The following APOA4 variants were observed in gnomAD, a reference collection of about 807,000 sequenced individuals.
The protein encoded by APOA4 is apolipoprotein A-IV.
APOA4 carries 25 observed loss-of-function variants against 33.6 expected under a neutral mutation model. That is an observed-to-expected ratio of 0.74 (90% CI 0.54 to 1.04). The LOEUF (loss-of-function observed/expected upper bound fraction) is 1.04. Ranked by LOEUF, APOA4 falls within the 50% of genes least tolerant of loss-of-function variation. APOA4 has a pLI of 0.00. For synonymous variants in APOA4, 228 were observed against 224.0 expected (o/e 1.02, Z -0.16); for missense variants, 549 against 510.4 (o/e 1.08, Z -0.73).
In APOA4 at chr11:116,821,842, G is replaced by T. The variant is rs5101; in HGVS notation, c.216C>A (p.Tyr72Ter). The change falls in exon 3 of 3, where the codon TAC becomes TAA. Residue 72 changes from tyrosine (Y) to a stop codon, truncating the protein, a stop_gained. Transcript: ENST00000357780. LOFTEE classifies it high-confidence loss of function. ...CCAGCTTCTTCTGCAGGTCACCTGC[G>T]TAAGTGTTCACTTCTCCAAGTTTGT... The part of the protein sequence containing the change: ...FQDKLGEVNT[Y>*]AGDLQKKLVP... 1.0e-4 allele frequency: 161 copies of T among 1,613,984 alleles called. No individual in the cohort carries two copies. The highest frequency in any genetic ancestry group is 1.3e-4 in the Non-Finnish European group (159 of 1,179,976).
At chr11:116,822,584 A>G in intron 2 of APOA4, 75 bp downstream of exon 2, 1 of 1,611,192 alleles carries the variant, frequency 6.2e-7, no homozygotes. Context: ...CCTGTCTCTA[A>G]GCTCAACCCT....
Position 116,822,692 on chromosome 11 carries a change from T to A in APOA4, c.143A>T (p.His48Leu), listed in dbSNP as rs770539091. ...LSNNAKEAVE[H>L]LQKSELTQQL... Reference sequence around the variant, plus strand: ...CTGGGTGAGTTCAGATTTCTGGAGATGTTCCACGGCCTCCTTGGCATTGTT... The same window carrying A: ...CTGGGTGAGTTCAGATTTCTGGAGAAGTTCCACGGCCTCCTTGGCATTGTT... The change falls in exon 2 of 3, where the codon CAT (histidine) becomes CTT (leucine). Residue 48 changes from histidine to leucine, a missense_variant. Physicochemically the swap from His to Leu is moderately conservative, Grantham distance 99 (BLOSUM62 -3). Coordinates refer to ENST00000357780, the MANE Select transcript of APOA4 (RefSeq NM_000482.4). The A allele has an allele frequency of 1.9e-6, 3 of 1,614,148 alleles. No homozygotes were observed. The African/African-American group carries it at 4.0e-5, about 22-fold the overall frequency.
Position 116,821,413 on chromosome 11 carries a change from G to A in APOA4, c.645C>T (p.Thr215=), listed in dbSNP as rs778993673. The part of the protein sequence containing the change: ...ADEFKVKIDQ[T]VEELRRSLAP... ...CCAGGCTGCGGCGCAGCTCCTCCAC[G>A]GTCTGGTCAATCTTGACTTTGAATT... The change falls in exon 3 of 3, where the codon ACC becomes ACT. Residue 215 remains threonine, a synonymous_variant. Coordinates refer to ENST00000357780, the MANE Select transcript of APOA4 (RefSeq NM_000482.4). 9.3e-6 allele frequency: 15 copies of A among 1,614,024 alleles called. No homozygotes were observed. The highest frequency in any genetic ancestry group is 2.2e-5 in the East Asian group (1 of 44,884).
rs373429312 is a variant in APOA4, at chr11:116,821,479, G to A, written c.579C>T (p.Asn193=). The part of the protein sequence containing the change: ...ADELKAKIDQ[N]VEELKGRLTP... ...TAAGGCGTCCCTTGAGCTCCTCCAC[G>A]TTCTGGTCGATCTTGGCCTTGAGCT... Residue 193 remains asparagine (N), a synonymous_variant, in exon 3 of 3, where the codon AAC becomes AAT. Transcript: ENST00000357780. The A allele has an allele frequency of 3.1e-5, 50 of 1,613,974 alleles. No homozygotes were observed. The highest frequency in any genetic ancestry group is 1.7e-4 in the African/African-American group (13 of 74,930).
Position 116,823,074 on chromosome 11 carries a change from C to T in APOA4, c.49+69G>A. ...ACTCAGAAGTGTCCTTTTGCTTTGG[C>T]TCAGCCTCCATCCTGCACTACTCAG... is the stretch of plus-strand genomic sequence containing the variant. On this transcript the variant is annotated intron_variant, in intron 1 of 2. Coordinates refer to ENST00000357780, the MANE Select transcript of APOA4 (RefSeq NM_000482.4). 3 of 1,589,972 alleles carry T rather than the reference C, an allele frequency of 1.9e-6. No homozygotes were observed. The South Asian group carries it at 3.3e-5, about 18-fold the overall frequency.
At position 116,821,797 on chromosome 11, in the gene APOA4, C is replaced by A. The variant is rs1471477901; in HGVS notation, c.261G>T (p.Leu87=). 1 of 1,596,698 alleles carries A rather than the reference C, an allele frequency of 6.3e-7. No individual in the cohort carries two copies. The highest frequency in any genetic ancestry group is 8.6e-7 in the Non-Finnish European group (1 of 1,163,986). The change falls in exon 3 of 3, where the codon CTG becomes CTT. Residue 87 remains leucine (L), a synonymous_variant. Coordinates refer to ENST00000357780, the MANE Select transcript of APOA4 (RefSeq NM_000482.4). ...QKKLVPFATE[L]HERLAKDSEK... is the part of the protein sequence containing the mutation. Reference sequence around the variant, plus strand: ...CCGAGTCCTTGGCCAGGCGTTCATGCAGCTCGGTGGCAAAGGGCACCAGCT... The same window carrying A: ...CCGAGTCCTTGGCCAGGCGTTCATGAAGCTCGGTGGCAAAGGGCACCAGCT...
In APOA4 at chr11:116,821,173, G is replaced by T. The variant is rs1450337919; in HGVS notation, c.885C>A (p.His295Gln). 5.6e-6 allele frequency: 9 copies of T among 1,613,468 alleles called. No homozygotes were observed. The highest frequency in any genetic ancestry group is 2.2e-5 in the East Asian group (1 of 44,864). The change falls in exon 3 of 3, where the codon CAC (histidine) becomes CAA (glutamine). Residue 295 changes from histidine to glutamine, a missense_variant. By Grantham distance (24) the His-to-Gln change is conservative (BLOSUM62 0). Coordinates refer to ENST00000357780, the MANE Select transcript of APOA4 (RefSeq NM_000482.4). The stretch of plus-strand genomic sequence containing the variant: ...GGAACTCCTCCACCTGCTGGTCCAG[G>T]TGCCCACCCAGCTCTGCCAGTGACT... ...LQKSLAELGG[H>Q]LDQQVEEFRR...
chr11:116,823,209 G>A lies in APOA4; in HGVS notation c.-18C>T, dbSNP rs983668116. 1 of 1,613,992 alleles carries A rather than the reference G, an allele frequency of 6.2e-7. No homozygotes were observed. The highest frequency in any genetic ancestry group is 8.5e-7 in the Non-Finnish European group (1 of 1,180,016). ...AGGAACATCCTGAGCTGCTTGCTGG[G>A]CTGGAGGAGTTTCTTGCCACACTGG... On this transcript the variant is annotated 5_prime_UTR_variant, in exon 1 of 3. Coordinates refer to ENST00000357780, the MANE Select transcript of APOA4 (RefSeq NM_000482.4).
Position 116,821,019 on chromosome 11 carries a change from G to T in APOA4, c.1039C>A (p.Leu347Met). ...AAGAAGGAGTTGACCTTGTCCCTCA[G>T]GTCCTTCTCCAGGAAGCTCAAGTGG... Reference protein sequence around the residue: ...EGHLSFLEKDLRDKVNSFFST... With the variant: ...EGHLSFLEKDMRDKVNSFFST... Residue 347 changes from leucine to methionine, a missense_variant, in exon 3 of 3, where the codon CTG becomes ATG. Physicochemically the swap from Leu to Met is conservative, Grantham distance 15. Coordinates refer to ENST00000357780, the MANE Select transcript of APOA4 (RefSeq NM_000482.4). 6.2e-7 allele frequency: 1 copy of T among 1,614,238 alleles called. No individual in the cohort carries two copies. Among genetic ancestry groups the T allele is most frequent in the Non-Finnish European group, 8.5e-7 (1 of 1,180,042 alleles).
rs781766665 is a variant in APOA4, at chr11:116,821,079, G to C, written c.979C>G (p.Gln327Glu). ...TCCCCCGCATGGGGGCCCAGTTTCT[G>C]CCTGAGCTGTTCCATCTGCTGCACC... ...ALVQQMEQLR[Q>E]KLGPHAGDVE... The change falls in exon 3 of 3, where the codon CAG becomes GAG. Residue 327 changes from glutamine (Q) to glutamate (E), a missense_variant. Physicochemically the swap from Gln to Glu is conservative, Grantham distance 29. Transcript: ENST00000357780. 1 of 1,614,180 alleles carries C rather than the reference G, an allele frequency of 6.2e-7. No individual in the cohort carries two copies. The highest frequency in any genetic ancestry group is 8.5e-7 in the Non-Finnish European group (1 of 1,180,042).
rs1941313502 is a variant in APOA4, at chr11:116,821,045, C to T, written c.1013G>A (p.Gly338Asp). 5.0e-6 allele frequency: 8 copies of T among 1,614,106 alleles called. No individual in the cohort carries two copies. The highest frequency in any genetic ancestry group is 6.8e-6 in the Non-Finnish European group (8 of 1,180,040). Residue 338 changes from glycine (G) to aspartate (D), a missense_variant, in exon 3 of 3, where the codon GGC becomes GAC. By Grantham distance (94) the Gly-to-Asp change is moderately conservative. Transcript: ENST00000357780. ...KLGPHAGDVE[G>D]HLSFLEKDLR... ...GTCCTTCTCCAGGAAGCTCAAGTGG[C>T]CTTCCACGTCCCCCGCATGGGGGCC...
rs576355748 is a variant in APOA4, at chr11:116,821,289, A to C, written c.769T>G (p.Ser257Ala). 3.1e-6 allele frequency: 5 copies of C among 1,613,668 alleles called. No homozygotes were observed. In the South Asian group the frequency reaches 4.4e-5, roughly 14 times the overall value. ...KNAEELKARI[S>A]ASAEELRQRL... ...TGCCGCAGCTCCTCGGCACTGGCCGAGATCCTGGCCTTGAGCTCCTCGGCG... is the reference window on the plus strand; with the variant it reads ...TGCCGCAGCTCCTCGGCACTGGCCGCGATCCTGGCCTTGAGCTCCTCGGCG... Residue 257 changes from serine (S) to alanine (A), a missense_variant, in exon 3 of 3, where the codon TCG becomes GCG. Physicochemically the swap from Ser to Ala is moderately conservative, Grantham distance 99. Coordinates refer to ENST00000357780, the MANE Select transcript of APOA4 (RefSeq NM_000482.4).
rs2238008 is a variant in APOA4, at chr11:116,821,267, C to A, written c.791G>T (p.Arg264Leu). 1 of 1,613,482 alleles carries A rather than the reference C, an allele frequency of 6.2e-7. No homozygotes were observed. Among genetic ancestry groups the A allele is most frequent in the Non-Finnish European group, 8.5e-7 (1 of 1,180,020 alleles). ...ARISASAEEL[R>L]QRLAPLAEDV... is the part of the protein sequence containing the mutation. Reference sequence around the variant, plus strand: ...CTCGGCCAAGGGCGCCAGCCTCTGCCGCAGCTCCTCGGCACTGGCCGAGAT... The same window carrying A: ...CTCGGCCAAGGGCGCCAGCCTCTGCAGCAGCTCCTCGGCACTGGCCGAGAT... Residue 264 changes from arginine to leucine, a missense_variant, in exon 3 of 3, where the codon CGG becomes CTG. Transcript: ENST00000357780.
At position 116,820,714 on chromosome 11, in the gene APOA4, T is replaced by C. The variant is rs1941308567; in HGVS notation, c.*153A>G. 3.0e-6 allele frequency: 4 copies of C among 1,341,976 alleles called. No individual in the cohort carries two copies. The highest frequency in any genetic ancestry group is 2.9e-5 in the African/African-American group (2 of 68,826). The allele number at this position is 1,341,976 out of a possible 1,614,324, so 83.1% of individuals were successfully genotyped here. On this transcript the variant is annotated 3_prime_UTR_variant, in exon 3 of 3. Coordinates refer to ENST00000357780, the MANE Select transcript of APOA4 (RefSeq NM_000482.4). ...CCGGCAACCAGTTGAGGCTAGATTCTCAGCAGCTTTATTGAATATTGAGAG... is the reference window on the plus strand; with the variant it reads ...CCGGCAACCAGTTGAGGCTAGATTCCCAGCAGCTTTATTGAATATTGAGAG...
Position 116,821,106 on chromosome 11 carries a change from G to A in APOA4, c.952C>T (p.Leu318=). 1 of 1,614,076 alleles carries A rather than the reference G, an allele frequency of 6.2e-7. No homozygotes were observed. Among genetic ancestry groups the A allele is most frequent in the Non-Finnish European group, 8.5e-7 (1 of 1,180,042 alleles). The change falls in exon 3 of 3, where the codon CTG becomes TTG. Residue 318 remains leucine (L), a synonymous_variant. Coordinates refer to ENST00000357780, the MANE Select transcript of APOA4 (RefSeq NM_000482.4). The part of the protein sequence containing the change: ...EPYGENFNKA[L]VQQMEQLRQK... ...CTGAGCTGTTCCATCTGCTGCACCA[G>A]GGCTTTGTTGAAGTTTTCCCCGTAG...
In APOA4 at chr11:116,821,883, T is replaced by C; in HGVS notation, c.177-2A>G. ...CCAAGTTTGTCCTGGAAGAGGGCAC[T>C]GTGGGGAAGGGCACAAGGAGGCCAC... is the stretch of plus-strand genomic sequence containing the variant. On this transcript the variant is annotated splice_acceptor_variant, in intron 2 of 2. Transcript: ENST00000357780. LOFTEE classifies it high-confidence loss of function. 6.2e-7 allele frequency: 1 copy of C among 1,613,400 alleles called. No homozygotes were observed. The highest frequency in any genetic ancestry group is 1.1e-5 in the South Asian group (1 of 91,086).
Position 116,820,751 on chromosome 11 carries a change from T to TC in APOA4, c.*115dup. 1 of 1,499,148 alleles carries TC rather than the reference T, an allele frequency of 6.7e-7. No homozygotes were observed. Among genetic ancestry groups the TC allele is most frequent in the Non-Finnish European group, 8.9e-7 (1 of 1,122,028 alleles). 92.9% of individuals were successfully genotyped at this position (1,499,148 alleles called of 1,614,324 possible). A position where few individuals can be genotyped will look rare whatever the true frequency, so the allele number is the denominator to read the frequency against. ...TTGAATATTGAGAGGTGGTCTCACC[T>TC]CCCACTGGACATGTGTCCTCAAGTT... On this transcript the variant is annotated 3_prime_UTR_variant, in exon 3 of 3. Transcript: ENST00000357780.
rs1183735574 is a variant in APOA4 at position 116,821,898 on chromosome 11, AAGG to A, written c.177-20_177-18del. ...AAGAGGGCACTGTGGGGAAGGGCAC[AAGG>A]AGGCCACGTTACATTTGGCATTTAC... On this transcript the variant is annotated intron_variant, in intron 2 of 2. Coordinates refer to ENST00000357780, the MANE Select transcript of APOA4 (RefSeq NM_000482.4). 1 of 1,611,852 alleles carries A rather than the reference AAGG, an allele frequency of 6.2e-7. No individual in the cohort carries two copies. The highest frequency in any genetic ancestry group is 8.5e-7 in the Non-Finnish European group (1 of 1,180,034).
Position 116,821,552 on chromosome 11 carries a change from C to A in APOA4, c.506G>T (p.Arg169Leu). ...PYAQRMERVL[R>L]ENADSLQASL... ...GGCCTGCAGGCTGTCGGCGTTCTCC[C>A]GCAGCACTCTCTCCATGCGCTGTGC... Residue 169 changes from arginine to leucine, a missense_variant, in exon 3 of 3, where the codon CGG becomes CTG. Arg to Leu is a moderately radical substitution (Grantham distance 102). Coordinates refer to ENST00000357780, the MANE Select transcript of APOA4 (RefSeq NM_000482.4). 6.2e-7 allele frequency: 1 copy of A among 1,612,440 alleles called. No individual in the cohort carries two copies. The highest frequency in any genetic ancestry group is 8.5e-7 in the Non-Finnish European group (1 of 1,179,978).
Sources: allele counts gnomAD v4.1 joint callset, GRCh38; gene constraint gnomAD v4.1.1; transcripts MANE v1.5; gene names NCBI Gene and HGNC (gene_info 2026-07-23, HGNC 2026-07-21).